The following MCCC1 variants were observed in gnomAD, a reference collection of about 807,000 sequenced individuals.
MCCC1 encodes methylcrotonyl-CoA carboxylase subunit 1, also known as methylcrotonoyl-CoA carboxylase subunit alpha, mitochondrial.
In MCCC1, 64 loss-of-function variants were observed where a neutral mutation model predicts 83.8. That is an observed-to-expected ratio of 0.76 (90% CI 0.62 to 0.94). The LOEUF (loss-of-function observed/expected upper bound fraction) is 0.94, where lower values mean the gene tolerates loss of function less well. Ranked by LOEUF, MCCC1 falls within the 40% of genes least tolerant of loss-of-function variation. MCCC1 has a pLI of 0.00. For synonymous variants in MCCC1, 322 were observed against 315.4 expected (o/e 1.02, Z -0.22); for missense variants, 807 against 904.7 (o/e 0.89, Z 1.39).
chr3:183,106,736 A>T (rs1057167987), intron 1 of MCCC1, among the ~76,000 whole-genome samples: 1 of 152,070 alleles, frequency 6.6e-6, no homozygotes, highest in East Asian at 1.9e-4. Context: ...ACCTCAGGTG[A>T]TCCACCCACC....
intron 1 of MCCC1, among the ~76,000 whole-genome samples, chr3:183,106,605 T>C (rs1375548310): frequency 6.6e-6 from 1 of 151,998 alleles, no homozygotes; most frequent in Non-Finnish European, 1.5e-5. Context: ...TTCAAGCGAT[T>C]CTACTGCCTC....
chr3:183,071,723 A>G (rs1446569098), intron 5 of MCCC1, among the ~76,000 whole-genome samples: 7 of 142,354 alleles, frequency 4.9e-5, no homozygotes, highest in African/African-American at 1.7e-4. Flanking sequence ...TTTTTTAGAG[A>G]CAGGGTCTCA....
At chr3:183,098,646 G>A (rs41265429) in intron 1 of MCCC1, 1,777 of 152,450 alleles carry the variant, frequency 0.012, 30 homozygotes, top group Middle Eastern at 0.075. Context: ...CAAGCCTGAG[G>A]GTTTTTTCAC....
At chr3:183,113,161 T>C (rs1719528272) in intron 1 of MCCC1, among the ~76,000 whole-genome samples, 1 of 150,290 alleles carries the variant, frequency 6.7e-6, no homozygotes, top group Non-Finnish European at 1.5e-5. Flanking sequence ...GAGGCAGAGA[T>C]TGCAGTGAGC....
At chr3:183,030,974 G>A (rs1052029298) in intron 14 of MCCC1, among the ~76,000 whole-genome samples, 1 of 152,152 alleles carries the variant, frequency 6.6e-6, no homozygotes, top group African/African-American at 2.4e-5. Context: ...ACAGATCACA[G>A]TAAAGACACT....
At chr3:183,101,959 A>G (rs1391478449), upstream of MCCC1, among the ~76,000 whole-genome samples, 1 of 151,948 alleles carries the variant, frequency 6.6e-6, no homozygotes, top group African/African-American at 2.4e-5. Context: ...CCACGAACCC[A>G]CCAGAAGGAA....
At chr3:183,052,920 T>C (rs1454310308) in intron 8 of MCCC1, among the ~76,000 whole-genome samples, 1 of 143,762 alleles carries the variant, frequency 7.0e-6, no homozygotes, top group Non-Finnish European at 1.5e-5. Context: ...ACAATTTTTA[T>C]AGTTATTTTA....
intron 18 of MCCC1, among the ~76,000 whole-genome samples, chr3:183,016,579 A>G (rs1427506460): frequency 1.3e-5 from 2 of 152,160 alleles, no homozygotes; most frequent in African/African-American, 2.4e-5. Context: ...TTGCAATTCA[A>G]TGGGTCTGGG....
In MCCC1 at chr3:183,033,940, T is replaced by A. The variant is rs370599922; in HGVS notation, c.1681+51A>T. 1.1e-4 allele frequency: 145 copies of A among 1,368,270 alleles called. 1 individual carries two copies. Among genetic ancestry groups the A allele is most frequent in the Middle Eastern group, 8.4e-4 (4 of 4,746 alleles). The allele number at this position is 1,368,270 out of a possible 1,614,324, so 84.8% of individuals were successfully genotyped here. ...GCTGGAATCCTCTTTTTCAGATTAATGTGATACATTTCTATGACTCACATT... is the reference window on the plus strand; with the variant it reads ...GCTGGAATCCTCTTTTTCAGATTAAAGTGATACATTTCTATGACTCACATT... On this transcript the variant is annotated intron_variant, in intron 14 of 18. Transcript: ENST00000265594.
At chr3:183,025,482 T>C (rs1171628520) in intron 15 of MCCC1, among the ~76,000 whole-genome samples, 1 of 152,218 alleles carries the variant, frequency 6.6e-6, no homozygotes, top group African/African-American at 2.4e-5. Flanking sequence ...AGGCACACAC[T>C]TTAGGGGCTT....
intron 1 of MCCC1, among the ~76,000 whole-genome samples, chr3:183,115,122 G>A (rs1452392506): frequency 6.6e-6 from 1 of 152,122 alleles, no homozygotes; most frequent in Non-Finnish European, 1.5e-5. Flanking sequence ...GCACCCCTCT[G>A]ACGGCCTTGA....
At chr3:183,037,642 T>C (rs974517062) in intron 12 of MCCC1, among the ~76,000 whole-genome samples, 3 of 152,216 alleles carry the variant, frequency 2.0e-5, no homozygotes, top group African/African-American at 7.2e-5. Context: ...CCATCCGCTA[T>C]TACTATATCC....
At chr3:183,016,480 C>T (rs570574402) in intron 18 of MCCC1, among the ~76,000 whole-genome samples, 60 of 152,298 alleles carry the variant, frequency 3.9e-4, no homozygotes, top group African/African-American at 1.1e-3. Flanking sequence ...ATCCGCCTGC[C>T]TCTGCCTCCC....
chr3:183,028,127 T>C (rs1032882327), intron 14 of MCCC1, among the ~76,000 whole-genome samples: 2 of 152,210 alleles, frequency 1.3e-5, no homozygotes, highest in African/African-American at 4.8e-5. Flanking sequence ...TTGAATTAAA[T>C]GCTCATTTAC....
chr3:183,070,951 TA>T, intron 7 of MCCC1, 47 bp downstream of exon 7: 1 of 1,562,502 alleles, frequency 6.4e-7, no homozygotes, highest in Non-Finnish European at 8.7e-7. Context: ...GCATTATTTT[TA>T]TAATTTAATT....
At chr3:183,058,219 T>C (rs1395060061) in intron 7 of MCCC1, among the ~76,000 whole-genome samples, 1 of 152,172 alleles carries the variant, frequency 6.6e-6, no homozygotes, top group African/African-American at 2.4e-5. Flanking sequence ...TTTATGAATA[T>C]AGAAGACTGA....
chr3:183,022,548 C>G lies in MCCC1; in HGVS notation c.1738G>C (p.Asp580His). 1 of 1,611,344 alleles carries G rather than the reference C, an allele frequency of 6.2e-7. No individual in the cohort carries two copies. The change falls in exon 16 of 19, where the codon GAT (aspartate) becomes CAT (histidine). Residue 580 changes from aspartate (D) to histidine (H), a missense_variant. Transcript: ENST00000265594. ...TTACCAAGGACTTGGAAAGTTTTAT[C>G]TTCAATCTGAAAAAAATGAAAAATA... is the stretch of plus-strand genomic sequence containing the variant. ...HDGSYSMQIEDKTFQVLGNLY... is the reference protein window; with the variant it reads ...HDGSYSMQIEHKTFQVLGNLY...
At chr3:183,020,975 G>C (rs989493876) in intron 16 of MCCC1, among the ~76,000 whole-genome samples, 4 of 151,994 alleles carry the variant, frequency 2.6e-5, no homozygotes, top group African/African-American at 9.7e-5. Context: ...CAGGAGAATG[G>C]AGTGAACCCG....
intron 2 of MCCC1, among the ~76,000 whole-genome samples, chr3:183,093,908 C>T (rs1718546117): frequency 6.6e-6 from 1 of 152,194 alleles, no homozygotes; most frequent in East Asian, 1.9e-4. Flanking sequence ...CTTAAAATAG[C>T]TTTTTCAAAG....
Sources: gnomAD v4.1 joint callset for allele counts (sites outside exome capture counted in the v4.1 genomes callset) on GRCh38, gnomAD v4.1.1 for gene constraint, MANE v1.5 for transcripts, NCBI Gene and HGNC (gene_info 2026-07-23, HGNC 2026-07-21) for gene names.